ANKS1B: variants seen among roughly 807,000 people sequenced by gnomAD.
The protein encoded by ANKS1B is ankyrin repeat and sterile alpha motif domain containing 1B.
Under a neutral mutation model 148.3 loss-of-function variants are expected in ANKS1B, and 36 were observed. That is an observed-to-expected ratio of 0.24 (90% CI 0.19 to 0.32). The LOEUF (loss-of-function observed/expected upper bound fraction) is 0.32, where lower values mean the gene tolerates loss of function less well. Ranked by LOEUF, ANKS1B falls within the 10% of genes least tolerant of loss-of-function variation. The probability of loss-of-function intolerance (pLI) is 1.00; values close to 1 mark genes in which losing one functional copy is unlikely to be tolerated. For synonymous variants in ANKS1B, 542 were observed against 560.8 expected, an observed-to-expected ratio of 0.97 and a Z score of 0.47; for missense variants, 1,157 against 1,542.6, an observed-to-expected ratio of 0.75 and a Z score of 4.19.
At chr12:99,640,913 T>G (rs1170704581) in intron 9 of ANKS1B, among the ~76,000 whole-genome samples, 1 of 152,206 alleles carries the variant, frequency 6.6e-6, no homozygotes, top group Non-Finnish European at 1.5e-5. Context: ...ATATAAAATC[T>G]TTATTAGAAA....
At chr12:98,838,228 C>T (rs1189701679) in intron 17 of ANKS1B, among the ~76,000 whole-genome samples, 1 of 152,138 alleles carries the variant, frequency 6.6e-6, no homozygotes. Context: ...ATTCCACATG[C>T]TTAAATAATT....
At chr12:99,436,651 C>T (rs1015031662) in intron 11 of ANKS1B, among the ~76,000 whole-genome samples, 1 of 151,950 alleles carries the variant, frequency 6.6e-6, no homozygotes, top group East Asian at 1.9e-4. Context: ...CAGTTCTAAA[C>T]TGTTAATAAT....
chr12:99,444,807 A>C (rs1249344403), intron 10 of ANKS1B, among the ~76,000 whole-genome samples: 1 of 152,032 alleles, frequency 6.6e-6, no homozygotes, highest in Non-Finnish European at 1.5e-5. Context: ...ATTGCAAAAG[A>C]GACTGAGACT....
At chr12:99,038,548 C>T (rs1048227278) in intron 17 of ANKS1B, among the ~76,000 whole-genome samples, 2 of 152,164 alleles carry the variant, frequency 1.3e-5, no homozygotes, top group African/African-American at 4.8e-5. Flanking sequence ...ATAAACCAAA[C>T]CATATCTCTC....
At chr12:98,845,195 C>A (rs1183076715) in intron 17 of ANKS1B, among the ~76,000 whole-genome samples, 1 of 152,140 alleles carries the variant, frequency 6.6e-6, no homozygotes, top group African/African-American at 2.4e-5. Context: ...CCTAACAAGG[C>A]TGGTAATTAC....
At chr12:99,787,738 T>C (rs573017874) in intron 4 of ANKS1B, among the ~76,000 whole-genome samples, 2 of 152,318 alleles carry the variant, frequency 1.3e-5, no homozygotes, top group East Asian at 3.9e-4. Flanking sequence ...GAAGAGAAAG[T>C]CTTGAATCAC....
At chr12:99,118,231 C>T (rs1336437841) in intron 15 of ANKS1B, among the ~76,000 whole-genome samples, 2 of 152,036 alleles carry the variant, frequency 1.3e-5, no homozygotes, top group Non-Finnish European at 2.9e-5. Context: ...AAATATTGAT[C>T]TAGTGGTTGT....
chr12:99,377,665 A>T (rs909836334), intron 12 of ANKS1B, among the ~76,000 whole-genome samples: 1 of 152,190 alleles, frequency 6.6e-6, no homozygotes, highest in Non-Finnish European at 1.5e-5. Flanking sequence ...AAGAGTGTAT[A>T]TTTTCTTCAA....
intron 17 of ANKS1B, among the ~76,000 whole-genome samples, chr12:98,856,345 G>A (rs1217009019): frequency 7.9e-5 from 12 of 152,098 alleles, no homozygotes; most frequent in Non-Finnish European, 1.5e-5. Flanking sequence ...AGAGCTCACT[G>A]GCTTTGATTT....
At chr12:99,911,809 A>G (rs2094013972) in intron 1 of ANKS1B, among the ~76,000 whole-genome samples, 1 of 152,188 alleles carries the variant, frequency 6.6e-6, no homozygotes, top group Non-Finnish European at 1.5e-5. Flanking sequence ...ATTTCTGTAA[A>G]TATTTCAGTA....
At chr12:99,040,677 G>C (rs142684455) in intron 17 of ANKS1B, among the ~76,000 whole-genome samples, 232 of 152,240 alleles carry the variant, frequency 1.5e-3, no homozygotes, top group African/African-American at 5.2e-3. Flanking sequence ...TAGGGTTCAG[G>C]TGAGGGGAAA....
At chr12:99,575,610 T>C (rs2153224771) in intron 9 of ANKS1B, among the ~76,000 whole-genome samples, 1 of 152,146 alleles carries the variant, frequency 6.6e-6, no homozygotes, top group East Asian at 1.9e-4. Flanking sequence ...GGAAACCCCT[T>C]ATCAAATCAT....
chr12:99,440,969 T>C (rs1162185138), intron 11 of ANKS1B, among the ~76,000 whole-genome samples: 2 of 151,888 alleles, frequency 1.3e-5, no homozygotes, highest in Non-Finnish European at 2.9e-5. Flanking sequence ...ACACATCAGC[T>C]AATGGTCAAA....
At chr12:99,772,814 C>T in intron 8 of ANKS1B, 108 bp downstream of exon 8, 1 of 1,173,962 alleles carries the variant, frequency 8.5e-7, no homozygotes, top group Non-Finnish European at 1.2e-6. Context: ...AAACTGACAT[C>T]TTAGAGTGGC....
intron 9 of ANKS1B, among the ~76,000 whole-genome samples, chr12:99,571,347 C>T (rs1390475792): frequency 6.6e-6 from 1 of 151,364 alleles, no homozygotes; most frequent in Non-Finnish European, 1.5e-5. Context: ...ATAGCTATAT[C>T]TACAGGTATA....
At chr12:99,280,160 GTGTGTGTGTGTA>G (rs2078210822) in intron 12 of ANKS1B, among the ~76,000 whole-genome samples, 1 of 149,328 alleles carries the variant, frequency 6.7e-6, no homozygotes, top group Non-Finnish European at 1.5e-5. Context: ...TAGAGTCTGT[GTGTGTGTGTGTA>G]TGTGTGTGTG....
At chr12:99,284,656 T>A (rs749094056) in intron 12 of ANKS1B, among the ~76,000 whole-genome samples, 6 of 152,184 alleles carry the variant, frequency 3.9e-5, no homozygotes, top group Non-Finnish European at 8.8e-5. Flanking sequence ...CTGTTGCTCT[T>A]CTGTAATCCA....
intron 22 of ANKS1B, among the ~76,000 whole-genome samples, chr12:98,786,798 G>A (rs544377913): frequency 3.0e-4 from 46 of 152,296 alleles, no homozygotes; most frequent in African/African-American, 1.1e-3. Context: ...AGCACAGACA[G>A]GGAAAACAGT....
chr12:98,821,134 C>T (rs1355698407), intron 19 of ANKS1B, among the ~76,000 whole-genome samples: 1 of 152,162 alleles, frequency 6.6e-6, no homozygotes, highest in African/African-American at 2.4e-5. Flanking sequence ...AGCTAAGAAG[C>T]GTGTCCAAGG....
Sources: allele counts gnomAD v4.1 joint callset (sites outside exome capture counted in the v4.1 genomes callset), GRCh38; gene constraint gnomAD v4.1.1; transcripts MANE v1.5; gene names NCBI Gene and HGNC (gene_info 2026-07-23, HGNC 2026-07-21).